Variants in RASA1 observed in about 807,000 individuals in gnomAD.
The protein encoded by RASA1 is ras GTPase-activating protein 1.
Under a neutral mutation model 132.2 loss-of-function variants are expected in RASA1, and 25 were observed. The ratio of observed to expected loss-of-function variants is 0.19; its 90% CI spans 0.14 to 0.26. The LOEUF is 0.26. Among genes scored for constraint, RASA1 ranks in the 10% least tolerant of loss-of-function variants. RASA1 has a pLI of 1.00. For synonymous variants in RASA1, 477 were observed against 449.9 expected, an observed-to-expected ratio of 1.06 and a Z score of -0.76; for missense variants, 964 against 1,299.2, an observed-to-expected ratio of 0.74 and a Z score of 3.97.
intron 1 of RASA1, among the ~76,000 whole-genome samples, chr5:87,309,351 A>G (rs1016671946): frequency 6.6e-6 from 1 of 152,154 alleles, no homozygotes; most frequent in Admixed American, 6.5e-5. Flanking sequence ...ATCAGACAGG[A>G]TAGTAGGGCA....
intron 1 of RASA1, among the ~76,000 whole-genome samples, chr5:87,280,080 G>A (rs1270509898): frequency 6.6e-6 from 1 of 152,194 alleles, no homozygotes; most frequent in African/African-American, 2.4e-5. Flanking sequence ...CAGCACGCTG[G>A]CTCTGTTTCT....
intron 12 of RASA1, among the ~76,000 whole-genome samples, chr5:87,371,379 CAAACTA>C (rs537106941): frequency 6.6e-6 from 1 of 151,972 alleles, no homozygotes; most frequent in Non-Finnish European, 1.5e-5. Flanking sequence ...AAATAGCCAA[CAAACTA>C]AAGACATAAT....
intron 1 of RASA1, among the ~76,000 whole-genome samples, chr5:87,283,940 G>A (rs908830107): frequency 1.3e-5 from 2 of 152,030 alleles, no homozygotes; most frequent in Non-Finnish European, 2.9e-5. Flanking sequence ...CATTCTGGAG[G>A]TTATCTCAGG....
In RASA1 at chr5:87,390,987, C is replaced by T; in HGVS notation, c.*104C>T. On this transcript the variant is annotated 3_prime_UTR_variant, in exon 25 of 25. Transcript: ENST00000274376. The stretch of plus-strand genomic sequence containing the variant: ...CTTGCCAAAAAATAGCACACTTTTC[C>T]ACATTCCAGTGATGTGTGAGCTATG... The T allele has an allele frequency of 8.7e-7, 1 of 1,146,134 alleles. No individual in the cohort carries two copies. The highest frequency in any genetic ancestry group is 1.3e-6 in the Non-Finnish European group (1 of 765,700). The allele number at this position is 1,146,134 out of a possible 1,614,324, so 71.0% of individuals were successfully genotyped here. A position where few individuals can be genotyped will look rare whatever the true frequency, so the allele number is the denominator to read the frequency against.
At chr5:87,379,978 T>A (rs1761596539) in intron 19 of RASA1, 128 bp downstream of exon 19, 1 of 977,356 alleles carries the variant, frequency 1.0e-6, no homozygotes, top group Non-Finnish European at 1.5e-6. Context: ...ATGGTTAATC[T>A]TTATGAGATG....
chr5:87,292,920 G>GT (rs1310906726), intron 1 of RASA1, among the ~76,000 whole-genome samples: 7 of 152,036 alleles, frequency 4.6e-5, no homozygotes, highest in Admixed American at 4.6e-4. Flanking sequence ...ATGGTAATGT[G>GT]TTTTAAGTTT....
intron 1 of RASA1, among the ~76,000 whole-genome samples, chr5:87,327,823 G>A (rs1255681982): frequency 3.9e-5 from 6 of 152,050 alleles, no homozygotes; most frequent in African/African-American, 1.4e-4. Context: ...AAGTTAGCCG[G>A]ATGTGGTGGC....
intron 1 of RASA1, among the ~76,000 whole-genome samples, chr5:87,322,863 C>G (rs1448450016): frequency 1.3e-5 from 2 of 152,040 alleles, no homozygotes; most frequent in Non-Finnish European, 2.9e-5. Flanking sequence ...TTTTGAAATT[C>G]CAGGTCTGGA....
chr5:87,370,962 A>C (rs1760892577), intron 12 of RASA1, among the ~76,000 whole-genome samples: 1 of 152,168 alleles, frequency 6.6e-6, no homozygotes, highest in Non-Finnish European at 1.5e-5. Context: ...ATGCACATAA[A>C]ATTTTACGGC....
chr5:87,390,249 T>C (rs1254191969), intron 24 of RASA1, among the ~76,000 whole-genome samples: 1 of 152,180 alleles, frequency 6.6e-6, no homozygotes, highest in Non-Finnish European at 1.5e-5. Flanking sequence ...TGAGAGGAAG[T>C]GACCACAGGG....
Position 87,268,571 on chromosome 5 carries a change from G to A in RASA1, c.120G>A (p.Ala40=), listed in dbSNP as rs1315195533. Residue 40 remains alanine (A), a synonymous_variant, in exon 1 of 25, where the codon GCG becomes GCA. Transcript: ENST00000274376. ...YPAVCRVKIP[A]ALPVAAAPYP... ...CAGTGTGTCGGGTGAAGATACCCGC[G>A]GCCCTGCCTGTGGCAGCCGCCCCCT... is the stretch of plus-strand genomic sequence containing the variant. 6.2e-7 allele frequency: 1 copy of A among 1,608,190 alleles called. No individual in the cohort carries two copies. Among genetic ancestry groups the A allele is most frequent in the Non-Finnish European group, 8.5e-7 (1 of 1,178,252 alleles).
At position 87,346,649 on chromosome 5, in the gene RASA1, ATCTAATTTATTC is replaced by A; in HGVS notation, c.1050-19_1050-8del. 2 of 1,457,842 alleles carry A rather than the reference ATCTAATTTATTC, an allele frequency of 1.4e-6. No homozygotes were observed. The highest frequency in any genetic ancestry group is 2.3e-5 in the South Asian group (2 of 85,750). 90.3% of individuals were successfully genotyped at this position (1,457,842 alleles called of 1,614,324 possible). A position where few individuals can be genotyped will look rare whatever the true frequency, so the allele number is the denominator to read the frequency against. On this transcript the variant is annotated splice_polypyrimidine_tract_variant and intron_variant, in intron 6 of 24. Transcript: ENST00000274376. ...ACAGCAAAAAGGACTTTATTTATAT[ATCTAATTTATTC>A]TCTTTTTAAGATGGTTCCATGGGAA...
In RASA1 at chr5:87,362,574, C is replaced by T. The variant is rs2112456528; in HGVS notation, c.1356C>T (p.Asp452=). 2 of 1,594,320 alleles carry T rather than the reference C, an allele frequency of 1.3e-6. No individual in the cohort carries two copies. The highest frequency in any genetic ancestry group is 1.1e-5 in the South Asian group (1 of 90,640). The change falls in exon 10 of 25, where the codon GAC becomes GAT. Residue 452 remains aspartate, a synonymous_variant. Transcript: ENST00000274376. ...AGGATCAAGAACAAGTACTCAATGA[C>T]ACAGTGGATGGCAAGGAAATCTATA... ...PMQDQEQVLN[D]TVDGKEIYNT... is the part of the protein sequence containing the mutation.
intron 1 of RASA1, among the ~76,000 whole-genome samples, chr5:87,302,588 A>G (rs999085257): frequency 1.3e-5 from 2 of 151,468 alleles, no homozygotes; most frequent in African/African-American, 4.9e-5. Context: ...TCTATATACT[A>G]TAGTATACTA....
In RASA1 at chr5:87,268,960, C is replaced by T. The variant is rs767584883; in HGVS notation, c.509C>T (p.Ala170Val). The change falls in exon 1 of 25, where the codon GCC becomes GTC. Residue 170 changes from alanine to valine, a missense_variant. Coordinates refer to ENST00000274376, the MANE Select transcript of RASA1 (RefSeq NM_002890.3). ...DGPEYEEEEV[A>V]IPLTAPPTNQ... is the part of the protein sequence containing the mutation. The stretch of plus-strand genomic sequence containing the variant: ...CCAGAATACGAGGAGGAAGAGGTGG[C>T]CATACCGTTGACCGCTCCTCCAACT... 1.9e-6 allele frequency: 3 copies of T among 1,614,212 alleles called. No homozygotes were observed. The South Asian group carries it at 3.3e-5, about 18-fold the overall frequency.
intron 1 of RASA1, among the ~76,000 whole-genome samples, chr5:87,287,751 ATTATGTACACGCCATAGATATACCAT>A (rs1561257449): frequency 7.2e-6 from 1 of 138,504 alleles, no homozygotes; most frequent in Non-Finnish European, 1.6e-5. Flanking sequence ...TAGATATACC[ATTATGTACACGCCATAGATATACCAT>A]ATATGTACAC....
intron 1 of RASA1, among the ~76,000 whole-genome samples, chr5:87,296,121 T>C (rs1026241118): frequency 6.6e-6 from 1 of 152,052 alleles, no homozygotes; most frequent in African/African-American, 2.4e-5. Context: ...CCAGCCTTTT[T>C]TTTTTTCTTT....
chr5:87,312,663 T>C (rs1756009132), intron 1 of RASA1, among the ~76,000 whole-genome samples: 1 of 152,326 alleles, frequency 6.6e-6, no homozygotes, highest in African/African-American at 2.4e-5. Flanking sequence ...AGTTTGCAAC[T>C]GGAATCTCAG....
At chr5:87,302,177 G>T (rs1183429166) in intron 1 of RASA1, among the ~76,000 whole-genome samples, 1 of 152,116 alleles carries the variant, frequency 6.6e-6, no homozygotes, top group East Asian at 1.9e-4. Flanking sequence ...GAGAATTTCA[G>T]TTGCTCTACA....
Sources: gnomAD v4.1 joint callset for allele counts (sites outside exome capture counted in the v4.1 genomes callset) on GRCh38, gnomAD v4.1.1 for gene constraint, MANE v1.5 for transcripts, NCBI Gene and HGNC (gene_info 2026-07-23, HGNC 2026-07-21) for gene names.